The following SLC9A9 variants were observed in gnomAD, a reference collection of about 807,000 sequenced individuals.
The protein encoded by SLC9A9 is solute carrier family 9 member A9.
Under a neutral mutation model 77.8 loss-of-function variants are expected in SLC9A9, and 62 were observed. The observed-to-expected ratio is 0.80, with a 90% CI of 0.65 to 0.98. The LOEUF is 0.98. Among genes scored for constraint, SLC9A9 ranks in the 50% least tolerant of loss-of-function variants. The probability of loss-of-function intolerance (pLI) is 0.00; values close to 1 mark genes in which losing one functional copy is unlikely to be tolerated. For missense variants in SLC9A9, 775 were observed against 774.9 expected (o/e 1.00, Z 0.00); for synonymous variants, 320 against 283.5 (o/e 1.13, Z -1.29).
chr3:143,407,547 T>C (rs1284051593), intron 12 of SLC9A9, among the ~76,000 whole-genome samples: 1 of 152,228 alleles, frequency 6.6e-6, no homozygotes, highest in Admixed American at 6.5e-5. Flanking sequence ...ATTATCCTTT[T>C]ATTTTTATGA....
At chr3:143,734,618 CA>C (rs1934892911) in intron 4 of SLC9A9, among the ~76,000 whole-genome samples, 1 of 151,574 alleles carries the variant, frequency 6.6e-6, no homozygotes, top group Non-Finnish European at 1.5e-5. Context: ...CCTGTAGTCC[CA>C]GCTACTCGGG....
chr3:143,757,248 T>A (rs1230448747), intron 4 of SLC9A9, among the ~76,000 whole-genome samples: 1 of 152,132 alleles, frequency 6.6e-6, no homozygotes, highest in Non-Finnish European at 1.5e-5. Flanking sequence ...ACCAGGCAGA[T>A]TCAAATGCCT....
intron 4 of SLC9A9, among the ~76,000 whole-genome samples, chr3:143,784,047 C>T (rs553460535): frequency 2.6e-5 from 4 of 152,324 alleles, no homozygotes; most frequent in South Asian, 2.1e-4. Context: ...AATGCAGCCA[C>T]GGAAGAGATT....
At chr3:143,276,753 T>C (rs1938062365) in intron 14 of SLC9A9, among the ~76,000 whole-genome samples, 1 of 152,026 alleles carries the variant, frequency 6.6e-6, no homozygotes, top group Non-Finnish European at 1.5e-5. Flanking sequence ...GTTCTTAACC[T>C]TCCCTGGCTG....
At chr3:143,536,286 C>T (rs1029584363) in intron 9 of SLC9A9, among the ~76,000 whole-genome samples, 2 of 152,042 alleles carry the variant, frequency 1.3e-5, no homozygotes, top group African/African-American at 4.8e-5. Flanking sequence ...ATTTTCCCAC[C>T]CATGTTTACT....
intron 9 of SLC9A9, among the ~76,000 whole-genome samples, chr3:143,512,639 A>T (rs2036135238): frequency 6.6e-6 from 1 of 152,242 alleles, no homozygotes; most frequent in South Asian, 2.1e-4. Flanking sequence ...GCACTTTGGG[A>T]TGCCAAGGCG....
chr3:143,726,363 A>G (rs1413913777), intron 4 of SLC9A9, among the ~76,000 whole-genome samples: 2 of 152,132 alleles, frequency 1.3e-5, no homozygotes, highest in Non-Finnish European at 2.9e-5. Context: ...GGAAGGCTCT[A>G]TATTTTGATT....
Position 143,848,138 on chromosome 3 carries a change from A to G in SLC9A9, c.175+10T>C. 1 of 1,610,612 alleles carries G rather than the reference A, an allele frequency of 6.2e-7. No homozygotes were observed. The highest frequency in any genetic ancestry group is 8.5e-7 in the Non-Finnish European group (1 of 1,176,870). On this transcript the variant is annotated intron_variant, in intron 1 of 15. Coordinates refer to ENST00000316549, the MANE Select transcript of SLC9A9 (RefSeq NM_173653.4). ...AAGTTTCACATCAATCTCACAATTT[A>G]TGCACTCACCATACACCATTGCTCC...
intron 6 of SLC9A9, among the ~76,000 whole-genome samples, chr3:143,601,800 A>C (rs962206851): frequency 1.3e-5 from 2 of 152,214 alleles, no homozygotes; most frequent in Non-Finnish European, 2.9e-5. Context: ...TGCCCCTTCT[A>C]TAGGCTTTTC....
chr3:143,424,067 G>A (rs966913610), intron 12 of SLC9A9, among the ~76,000 whole-genome samples: 1 of 152,178 alleles, frequency 6.6e-6, no homozygotes, highest in African/African-American at 2.4e-5. Context: ...ACCAGTAAAT[G>A]TAACACATGA....
chr3:143,717,126 A>G (rs1934377422), intron 4 of SLC9A9, among the ~76,000 whole-genome samples: 1 of 152,242 alleles, frequency 6.6e-6, no homozygotes, highest in African/African-American at 2.4e-5. Flanking sequence ...TACACTAAAC[A>G]TAACCTCATA....
intron 12 of SLC9A9, among the ~76,000 whole-genome samples, chr3:143,440,383 G>A (rs2034709524): frequency 6.6e-6 from 1 of 152,188 alleles, no homozygotes; most frequent in South Asian, 2.1e-4. Flanking sequence ...CCTATTCACT[G>A]GGTGCTCTGG....
intron 8 of SLC9A9, among the ~76,000 whole-genome samples, chr3:143,564,228 A>T (rs1389047393): frequency 1.3e-5 from 2 of 152,202 alleles, no homozygotes; most frequent in Non-Finnish European, 2.9e-5. Flanking sequence ...GCTTCTGATA[A>T]CATTACTCCA....
intron 9 of SLC9A9, among the ~76,000 whole-genome samples, chr3:143,518,642 A>C (rs2036244078): frequency 6.6e-6 from 1 of 152,230 alleles, no homozygotes. Flanking sequence ...AATTTACGTA[A>C]GTGAAATAAT....
chr3:143,530,836 T>C lies in SLC9A9; in HGVS notation c.1089+21526A>G, dbSNP rs1182936211. Among the ~76,000 whole-genome samples the C allele has an allele frequency of 2.6e-5, 4 of 152,170 alleles. No individual in the cohort carries two copies. The East Asian group carries it at 5.8e-4, about 22-fold the overall frequency. On this transcript the variant is annotated intron_variant, in intron 9 of 15. Transcript: ENST00000316549. Reference sequence around the variant, plus strand: ...TGGTGGCTACTCTAACTGAATTCATTGAAAAATTGCCATAATGTGATTCAG... The same window carrying C: ...TGGTGGCTACTCTAACTGAATTCATCGAAAAATTGCCATAATGTGATTCAG...
At position 143,506,986 on chromosome 3, in the gene SLC9A9, A is replaced by G. The variant is rs373994940; in HGVS notation, c.1090-11538T>C. On this transcript the variant is annotated intron_variant, in intron 9 of 15. Transcript: ENST00000316549. ...TACTGGTATGGAAAATTCACACATT[A>G]TCACATTTTTCAAAGGTTAACAGTC... 3.0e-4 allele frequency among the ~76,000 whole-genome samples: 45 copies of G among 152,184 alleles called. No individual in the cohort carries two copies. The East Asian group carries it at 4.8e-3, about 16-fold the overall frequency.
At chr3:143,295,041 C>T (rs2030194240) in intron 14 of SLC9A9, among the ~76,000 whole-genome samples, 1 of 152,230 alleles carries the variant, frequency 6.6e-6, no homozygotes, top group Non-Finnish European at 1.5e-5. Context: ...TTACCTCTGG[C>T]ATGCCCATGA....
At chr3:143,608,734 G>A (rs193105217) in intron 6 of SLC9A9, among the ~76,000 whole-genome samples, 386 of 152,104 alleles carry the variant, frequency 2.5e-3, no homozygotes, top group African/African-American at 9.0e-3. Flanking sequence ...CAGACATAAC[G>A]CATATGAAAA....
chr3:143,791,898 C>A (rs996435137), intron 4 of SLC9A9, among the ~76,000 whole-genome samples: 1 of 152,166 alleles, frequency 6.6e-6, no homozygotes, highest in African/African-American at 2.4e-5. Flanking sequence ...AATGAAGAAA[C>A]GTGGTTATGT....
Sources: gnomAD v4.1 joint callset for allele counts (sites outside exome capture counted in the v4.1 genomes callset) on GRCh38, gnomAD v4.1.1 for gene constraint, MANE v1.5 for transcripts, NCBI Gene and HGNC (gene_info 2026-07-23, HGNC 2026-07-21) for gene names.